RNGTT: variants seen among roughly 807,000 people sequenced by gnomAD.
RNGTT encodes mRNA-capping enzyme.
In RNGTT, 33 loss-of-function variants were observed where a neutral mutation model predicts 79.3. The ratio of observed to expected loss-of-function variants is 0.42; its 90% CI spans 0.32 to 0.56. The LOEUF is 0.56. Ranked by LOEUF, RNGTT falls within the 20% of genes least tolerant of loss-of-function variation. The pLI, the probability that RNGTT is intolerant of heterozygous loss-of-function variation, is 0.17. For missense variants in RNGTT, 497 were observed against 739.1 expected (o/e 0.67, Z 3.80); for synonymous variants, 222 against 235.9 (o/e 0.94, Z 0.54).
intron 8 of RNGTT, among the ~76,000 whole-genome samples, chr6:88,877,807 C>A (rs187850720): frequency 6.6e-6 from 1 of 152,056 alleles, no homozygotes; most frequent in Non-Finnish European, 1.5e-5. Context: ...AGTCTCACTT[C>A]CCCGTGATAA....
In RNGTT at chr6:88,717,710, T is replaced by C. The variant is rs532510193; in HGVS notation, c.1440-39291A>G. 8.1e-4 allele frequency among the ~76,000 whole-genome samples: 124 copies of C among 152,250 alleles called. 4 individuals are homozygous for C. In the South Asian group the frequency reaches 0.026, roughly 31 times the overall value. On this transcript the variant is annotated intron_variant, in intron 13 of 15. Transcript: ENST00000369485. ...GAAAAGAAAAGCCCCAAGAAAAGCA[T>C]GCCCTCTCTATCCAGGAAGCGGGCA...
At chr6:88,729,388 GA>G (rs59571346) in intron 13 of RNGTT, among the ~76,000 whole-genome samples, 2,682 of 79,692 alleles carry the variant, frequency 0.034, 50 homozygotes, top group African/African-American at 0.068. Flanking sequence ...ACCAGAAAAA[GA>G]AAAAAAAAAA....
rs114753173 is a variant in RNGTT at position 88,674,489 on chromosome 6, C to T, written c.1506+3864G>A. 2.3e-3 allele frequency among the ~76,000 whole-genome samples: 345 copies of T among 152,196 alleles called. 1 individual carries two copies. The highest frequency in any genetic ancestry group is 7.9e-3 in the African/African-American group (327 of 41,530). On this transcript the variant is annotated intron_variant, in intron 14 of 15. Transcript: ENST00000369485. The stretch of plus-strand genomic sequence containing the variant: ...GAGAGGCCAACGCTGCAGTAAGCTG[C>T]AGTGAGTTGTGATTGTGCCACTGCA...
At position 88,882,956 on chromosome 6, in the gene RNGTT, T is replaced by C. The variant is rs542121814; in HGVS notation, c.896+7539A>G. Among the ~76,000 whole-genome samples the C allele has an allele frequency of 1.5e-4, 23 of 152,316 alleles. No homozygotes were observed. The South Asian group carries it at 4.8e-3, about 32-fold the overall frequency. ...TTACCCAATCTGAGGTATCCTGCTA[T>C]AGCCGCACAAATGAACTAAGATACT... On this transcript the variant is annotated intron_variant, in intron 8 of 15. Transcript: ENST00000369485.
chr6:88,831,003 A>T (rs1780843736), intron 11 of RNGTT, among the ~76,000 whole-genome samples: 1 of 152,228 alleles, frequency 6.6e-6, no homozygotes, highest in South Asian at 2.1e-4. Context: ...GAATTCTACC[A>T]AAGGTACAAA....
Position 88,733,522 on chromosome 6 carries a change from A to G in RNGTT, c.1439+36252T>C, listed in dbSNP as rs531495909. Reference sequence around the variant, plus strand: ...GAAAAACGACTGAAGCAGAATAAATATAAGTAATAATGGCCAAGAATTTTC... The same window carrying G: ...GAAAAACGACTGAAGCAGAATAAATGTAAGTAATAATGGCCAAGAATTTTC... On this transcript the variant is annotated intron_variant, in intron 13 of 15. Transcript: ENST00000369485. 9.9e-5 allele frequency among the ~76,000 whole-genome samples: 15 copies of G among 152,232 alleles called. No homozygotes were observed. The East Asian group carries it at 1.9e-3, about 20-fold the overall frequency.
At chr6:88,761,701 A>G (rs768374070) in intron 13 of RNGTT, among the ~76,000 whole-genome samples, 2 of 152,158 alleles carry the variant, frequency 1.3e-5, no homozygotes, top group African/African-American at 2.4e-5. Flanking sequence ...ACTCATACAC[A>G]TATTGTCTAG....
intron 13 of RNGTT, among the ~76,000 whole-genome samples, chr6:88,726,160 C>T (rs578255650): frequency 6.6e-6 from 1 of 152,146 alleles, no homozygotes; most frequent in African/African-American, 2.4e-5. Context: ...TGTAACACTC[C>T]AATACCACCT....
At chr6:88,798,372 C>T (rs541589809) in intron 12 of RNGTT, among the ~76,000 whole-genome samples, 44 of 151,344 alleles carry the variant, frequency 2.9e-4, no homozygotes, top group South Asian at 6.3e-4. Context: ...ACCTGAAGTG[C>T]GAGGATTGCT....
chr6:88,726,859 A>G (rs1033576090), intron 13 of RNGTT, among the ~76,000 whole-genome samples: 2 of 152,240 alleles, frequency 1.3e-5, no homozygotes, highest in Admixed American at 1.3e-4. Context: ...GGTTTTCAAC[A>G]AAAGTAAAGT....
chr6:88,770,083 G>C (rs1778598913), intron 12 of RNGTT, among the ~76,000 whole-genome samples: 2 of 152,086 alleles, frequency 1.3e-5, no homozygotes. Context: ...ACCCTTGTTT[G>C]TGAAAGTCCA....
chr6:88,890,614 T>C lies in RNGTT; in HGVS notation c.795-18A>G. On this transcript the variant is annotated intron_variant, in intron 7 of 15. Coordinates refer to ENST00000369485, the MANE Select transcript of RNGTT (RefSeq NM_003800.5). The stretch of plus-strand genomic sequence containing the variant: ...ATCCAGACCTTAAAGAAGAACACAG[T>C]ATTACTATCGTGGCTGGTATCCATA... 2 of 1,559,838 alleles carry C rather than the reference T, an allele frequency of 1.3e-6. No homozygotes were observed. The highest frequency in any genetic ancestry group is 1.8e-6 in the Non-Finnish European group (2 of 1,134,354).
intron 5 of RNGTT, among the ~76,000 whole-genome samples, chr6:88,905,331 A>AG (rs1185450482): frequency 6.6e-6 from 1 of 152,224 alleles, no homozygotes. Context: ...AACTTTCAAC[A>AG]GATCCAGGCA....
rs182196251 is a variant in RNGTT at position 88,729,165 on chromosome 6, C to T, written c.1439+40609G>A. ...CCAACACTAAGCTCACTTTGTGTCT[C>T]TCACGACAGGCAGGAAACTTAGAGT... On this transcript the variant is annotated intron_variant, in intron 13 of 15. Coordinates refer to ENST00000369485, the MANE Select transcript of RNGTT (RefSeq NM_003800.5). Among the ~76,000 whole-genome samples, 87 of 152,290 alleles carry T rather than the reference C, an allele frequency of 5.7e-4. 1 individual carries two copies. The East Asian group carries it at 0.015, about 27-fold the overall frequency.
In RNGTT at chr6:88,818,764, ATTTGTGATACAT is replaced by A. The variant is rs564525882; in HGVS notation, c.1270-17144_1270-17133del. 3.6e-4 allele frequency among the ~76,000 whole-genome samples: 55 copies of A among 152,332 alleles called. 1 individual carries two copies. The East Asian group carries it at 9.1e-3, about 25-fold the overall frequency. On this transcript the variant is annotated intron_variant, in intron 11 of 15. Coordinates refer to ENST00000369485, the MANE Select transcript of RNGTT (RefSeq NM_003800.5). Reference sequence around the variant, plus strand: ...GCCATAATCAACAAGAGAAAAATAAATTTGTGATACATACTGAGAACAGTTTTAATAAAATTA... The same window carrying A: ...GCCATAATCAACAAGAGAAAAATAAAACTGAGAACAGTTTTAATAAAATTA...
In RNGTT at chr6:88,619,229, G is replaced by C. The variant is rs368928140; in HGVS notation, c.1507-4834C>G. ...CACCCAGGTTGGAGTGCAGTGGTGC[G>C]GTCACAGCTCACTGCAGCCTCAACT... On this transcript the variant is annotated intron_variant, in intron 14 of 15. Transcript: ENST00000369485. Among the ~76,000 whole-genome samples, 6 of 151,668 alleles carry C rather than the reference G, an allele frequency of 4.0e-5. No individual in the cohort carries two copies. In the East Asian group the frequency reaches 7.8e-4, roughly 20 times the overall value.
At chr6:88,845,943 A>G (rs1201572161) in intron 10 of RNGTT, among the ~76,000 whole-genome samples, 1 of 152,214 alleles carries the variant, frequency 6.6e-6, no homozygotes, top group Non-Finnish European at 1.5e-5. Context: ...AGAGTTATTA[A>G]AAGAATTCAG....
intron 8 of RNGTT, among the ~76,000 whole-genome samples, chr6:88,887,936 C>A (rs1171942440): frequency 6.6e-6 from 1 of 151,900 alleles, no homozygotes; most frequent in Non-Finnish European, 1.5e-5. Context: ...GGCAACATGG[C>A]AAGATCATAT....
At chr6:88,704,173 T>C (rs1385292396) in intron 13 of RNGTT, among the ~76,000 whole-genome samples, 1 of 138,884 alleles carries the variant, frequency 7.2e-6, no homozygotes, top group African/African-American at 2.7e-5. Context: ...GGCAGGAGAA[T>C]GGCATGAACC....
Sources: gnomAD v4.1 joint callset for allele counts (sites outside exome capture counted in the v4.1 genomes callset) on GRCh38, gnomAD v4.1.1 for gene constraint, MANE v1.5 for transcripts, NCBI Gene and HGNC (gene_info 2026-07-23, HGNC 2026-07-21) for gene names.